The following PTK2 variants were observed in gnomAD, a reference collection of about 807,000 sequenced individuals.
The protein encoded by PTK2 is focal adhesion kinase 1.
PTK2 carries 45 observed loss-of-function variants against 150.1 expected under a neutral mutation model. The ratio of observed to expected loss-of-function variants is 0.30; its 90% CI spans 0.24 to 0.38. The LOEUF (loss-of-function observed/expected upper bound fraction) is 0.38, where lower values mean the gene tolerates loss of function less well. Among genes scored for constraint, PTK2 ranks in the 10% least tolerant of loss-of-function variants. PTK2 has a pLI of 1.00. For missense variants in PTK2, 919 were observed against 1,307.3 expected (o/e 0.70, Z 4.58); for synonymous variants, 432 against 449.2 (o/e 0.96, Z 0.48).
chr8:140,785,203 C>T (rs891036007), intron 14 of PTK2, among the ~76,000 whole-genome samples: 1 of 152,204 alleles, frequency 6.6e-6, no homozygotes, highest in African/African-American at 2.4e-5. Flanking sequence ...TGACACTGGT[C>T]GGTCCAAATA....
chr8:140,814,844 G>A (rs1258125627), intron 10 of PTK2, among the ~76,000 whole-genome samples: 7 of 150,102 alleles, frequency 4.7e-5, no homozygotes, highest in East Asian at 2.0e-4. Context: ...ACGAAATCTC[G>A]GCTCACTGCA....
At chr8:140,986,846 T>C (rs1011056760) in intron 1 of PTK2, among the ~76,000 whole-genome samples, 28 of 152,226 alleles carry the variant, frequency 1.8e-4, no homozygotes, top group African/African-American at 5.3e-4. Context: ...TACAAATCAT[T>C]TGGATCCAAA....
chr8:140,789,570 AG>A, intron 13 of PTK2, 44 bp from the exon 14 acceptor site: 1 of 1,589,776 alleles, frequency 6.3e-7, no homozygotes, highest in Non-Finnish European at 8.6e-7. Context: ...CAATTTCCCC[AG>A]GACCCCGCAA....
intron 22 of PTK2, among the ~76,000 whole-genome samples, chr8:140,726,889 G>C (rs2100046164): frequency 1.3e-5 from 2 of 152,066 alleles, no homozygotes. Flanking sequence ...AATTTTGTGG[G>C]GTTAATGGCA....
At chr8:140,659,147 G>C in exon 32 of PTK2, 1 of 346,338 alleles carries the variant, frequency 2.9e-6, no homozygotes, top group Non-Finnish European at 5.3e-6. Flanking sequence ...TCCCCCTTTA[G>C]AACGTATCTT....
At chr8:140,927,975 A>AAAAAAAAAAAAAAAAAAAAAAAATATAT in intron 1 of PTK2, among the ~76,000 whole-genome samples, 2 of 48,196 alleles carry the variant, frequency 4.1e-5, no homozygotes, top group Non-Finnish European at 6.8e-5. Context: ...AAAAAAAAAA[A>AAAAAAAAAAAAAAAAAAAAAAAATATAT]ATATATATAT....
chr8:140,803,606 A>G, exon 11 of PTK2: 1 of 1,614,106 alleles, frequency 6.2e-7, no homozygotes. Context: ...CACTGTTTGA[A>G]TACTGAATGG....
intron 7 of PTK2, among the ~76,000 whole-genome samples, chr8:140,837,559 T>A (rs1417911963): frequency 6.6e-6 from 1 of 151,782 alleles, no homozygotes; most frequent in African/African-American, 2.4e-5. Flanking sequence ...TGAAACCCCA[T>A]CGCTACTAAA....
At chr8:140,738,973 T>C (rs769356989) in intron 21 of PTK2, 45 bp downstream of exon 24, 9 of 1,318,396 alleles carry the variant, frequency 6.8e-6, no homozygotes, top group African/African-American at 6.0e-5. Flanking sequence ...GTATAACATA[T>C]GAAATATAAT....
intron 1 of PTK2, among the ~76,000 whole-genome samples, chr8:140,938,535 G>T (rs2100174523): frequency 6.6e-6 from 1 of 152,290 alleles, no homozygotes; most frequent in East Asian, 1.9e-4. Context: ...TCACCCTGGT[G>T]TTTAGTACTT....
chr8:140,774,210 A>T (rs939850257), intron 14 of PTK2, among the ~76,000 whole-genome samples: 1 of 152,214 alleles, frequency 6.6e-6, no homozygotes, highest in Admixed American at 6.5e-5. Flanking sequence ...GGATTACTCC[A>T]TACTGTGAGG....
At chr8:140,967,329 T>C (rs1368873264) in intron 1 of PTK2, among the ~76,000 whole-genome samples, 3 of 152,148 alleles carry the variant, frequency 2.0e-5, no homozygotes, top group East Asian at 1.9e-4. Context: ...ATGTTCAATA[T>C]GACATATTGA....
intron 2 of PTK2, among the ~76,000 whole-genome samples, chr8:140,905,919 C>G (rs1014579943): frequency 1.3e-5 from 2 of 151,864 alleles, no homozygotes; most frequent in Admixed American, 6.6e-5. Flanking sequence ...TGAATGACTA[C>G]TGGGTAAATA....
intron 19 of PTK2, among the ~76,000 whole-genome samples, chr8:140,743,700 T>G (rs192839850): frequency 6.6e-6 from 1 of 152,244 alleles, no homozygotes; most frequent in African/African-American, 2.4e-5. Flanking sequence ...GAGATATCAT[T>G]AAATAAAAGT....
At chr8:140,663,769 G>A (rs1206346212) in intron 31 of PTK2, among the ~76,000 whole-genome samples, 1 of 152,078 alleles carries the variant, frequency 6.6e-6, no homozygotes, top group Non-Finnish European at 1.5e-5. Context: ...AAACTCCTGG[G>A]CTCAAGCGAT....
chr8:140,807,947 G>C (rs190887957), intron 10 of PTK2, among the ~76,000 whole-genome samples: 168 of 152,286 alleles, frequency 1.1e-3, no homozygotes, highest in Admixed American at 2.5e-3. Context: ...AAGGCATTGA[G>C]GGGTGGACGG....
chr8:140,764,500 G>C (rs2100071232), intron 14 of PTK2: 1 of 537,252 alleles, frequency 1.9e-6, no homozygotes, highest in Middle Eastern at 4.7e-4. Flanking sequence ...ACACAGACTT[G>C]TTTATCGGAG....
intron 23 of PTK2, among the ~76,000 whole-genome samples, chr8:140,714,947 TCA>T (rs1445723700): frequency 2.0e-4 from 30 of 151,584 alleles, no homozygotes; most frequent in Non-Finnish European, 1.0e-4. Context: ...ATCTTGGAAA[TCA>T]CAGACTCATT....
At chr8:140,677,358 C>A (rs59244974) in intron 27 of PTK2, among the ~76,000 whole-genome samples, 10 of 152,100 alleles carry the variant, frequency 6.6e-5, no homozygotes, top group Admixed American at 5.2e-4. Context: ...GCCAGAGAAG[C>A]CAAACCACAG....
Sources: allele counts gnomAD v4.1 joint callset (sites outside exome capture counted in the v4.1 genomes callset), GRCh38; gene constraint gnomAD v4.1.1; transcripts MANE v1.5; gene names NCBI Gene and HGNC (gene_info 2026-07-23, HGNC 2026-07-21).